IL10RB: variants seen among roughly 807,000 people sequenced by gnomAD.
IL10RB encodes interleukin 10 receptor subunit beta.
In IL10RB, 30 loss-of-function variants were observed where a neutral mutation model predicts 38.7. That is an observed-to-expected ratio of 0.78 (90% CI 0.58 to 1.05). The LOEUF (loss-of-function observed/expected upper bound fraction) is 1.05. IL10RB is among the 50% of genes least tolerant of loss of function. The pLI is 0.00. For synonymous variants in IL10RB, 142 were observed against 145.9 expected, an observed-to-expected ratio of 0.97 and a Z score of 0.19; for missense variants, 328 against 397.1, an observed-to-expected ratio of 0.83 and a Z score of 1.48.
At chr21:33,266,846 G>T (rs762028706) in intron 1 of IL10RB, among the ~76,000 whole-genome samples, 1 of 152,094 alleles carries the variant, frequency 6.6e-6, no homozygotes, top group Non-Finnish European at 1.5e-5. Flanking sequence ...AAAGACCCAA[G>T]ATCCCACCGT....
At chr21:33,297,293 A>G (rs2082971631), downstream of IL10RB, 1 of 152,162 alleles carries the variant, frequency 6.6e-6, no homozygotes, top group African/African-American at 2.4e-5. Context: ...CTTGATGTCC[A>G]CTCATTCCAC....
At chr21:33,285,268 A>G (rs984997913) in intron 5 of IL10RB, among the ~76,000 whole-genome samples, 5 of 152,218 alleles carry the variant, frequency 3.3e-5, no homozygotes, top group African/African-American at 4.8e-5. Flanking sequence ...CCCAAATGCT[A>G]GTAAATGAAA....
rs959114759 is a variant in IL10RB, at chr21:33,266,438, G to A, written c.-28G>A. 1.3e-6 allele frequency: 2 copies of A among 1,540,052 alleles called. No individual in the cohort carries two copies. The highest frequency in any genetic ancestry group is 2.3e-4 in the Middle Eastern group (1 of 4,404). On this transcript the variant is annotated 5_prime_UTR_variant, in exon 1 of 7. Transcript: ENST00000290200. ...GCGGGCGGGGGTCGTGTGCTTGGAGGAAGCCGCGGAACCCCCAGCGTCCGT... is the reference window on the plus strand; with the variant it reads ...GCGGGCGGGGGTCGTGTGCTTGGAGAAAGCCGCGGAACCCCCAGCGTCCGT...
At chr21:33,297,726 T>C (rs1215089396), downstream of IL10RB, among the ~76,000 whole-genome samples, 2 of 151,842 alleles carry the variant, frequency 1.3e-5, no homozygotes, top group Admixed American at 6.6e-5. Flanking sequence ...GGTGGGAGGA[T>C]AGCTTGAGCC....
intron 2 of IL10RB, among the ~76,000 whole-genome samples, chr21:33,268,990 T>C (rs769409496): frequency 1.3e-5 from 2 of 152,200 alleles, no homozygotes; most frequent in Non-Finnish European, 2.9e-5. Context: ...ATATATCACC[T>C]GTTCCCCTCC....
At chr21:33,269,909 C>T (rs554706096) in intron 2 of IL10RB, among the ~76,000 whole-genome samples, 4 of 152,308 alleles carry the variant, frequency 2.6e-5, no homozygotes, top group South Asian at 4.1e-4. Flanking sequence ...CCACCCACCT[C>T]GGCTTCCCGA....
Position 33,296,953 on chromosome 21 carries a change from CAAAA to C in IL10RB, c.*613_*616del, listed in dbSNP as rs5843596. The stretch of plus-strand genomic sequence containing the variant: ...TGGGTGACAAAGTGAGACTCCATCT[CAAAA>C]AAAAAAAAAAAAAAAATTGTGAGAA... On this transcript the variant is annotated 3_prime_UTR_variant, in exon 7 of 7. Transcript: ENST00000290200. 3.8e-4 allele frequency: 40 copies of C among 106,076 alleles called. No homozygotes were observed. Among genetic ancestry groups the C allele is most frequent in the Middle Eastern group, 4.5e-3 (1 of 220 alleles). The allele number at this position is 106,076 out of a possible 1,614,324, so 6.6% of individuals were successfully genotyped here.
chr21:33,309,184 TA>T (rs1327054538), exon 2 of IL10RB: 1 of 152,166 alleles, frequency 6.6e-6, no homozygotes, highest in Non-Finnish European at 1.5e-5. Context: ...CTGATGTACA[TA>T]GACATGTAAG....
At chr21:33,299,066 A>G (rs565441312), downstream of IL10RB, among the ~76,000 whole-genome samples, 2 of 152,188 alleles carry the variant, frequency 1.3e-5, no homozygotes, top group Non-Finnish European at 2.9e-5. Flanking sequence ...CTTCAAGCTC[A>G]TCTGTAAAAC....
intron 4 of IL10RB, among the ~76,000 whole-genome samples, chr21:33,282,700 C>T (rs1318173258): frequency 2.6e-5 from 4 of 152,066 alleles, no homozygotes; most frequent in Admixed American, 2.0e-4. Context: ...TCTCGTGCGC[C>T]ACCACGCCCG....
At chr21:33,302,761 G>A (rs1030653050) in intron 1 of IL10RB, among the ~76,000 whole-genome samples, 8 of 152,174 alleles carry the variant, frequency 5.3e-5, no homozygotes, top group Non-Finnish European at 1.2e-4. Context: ...TCGAGGGGGG[G>A]ATATTTCAGG....
intron 2 of IL10RB, among the ~76,000 whole-genome samples, chr21:33,269,219 G>A (rs1425039321): frequency 6.6e-6 from 1 of 152,216 alleles, no homozygotes; most frequent in Non-Finnish European, 1.5e-5. Context: ...TACCTCTCCT[G>A]CCTGTCAGTG....
exon 2 of IL10RB, chr21:33,309,543 G>C (rs192163133): frequency 6.6e-6 from 1 of 152,216 alleles, no homozygotes. Context: ...TACTAAACAA[G>C]ATATCAGTTA....
At chr21:33,303,955 G>T (rs1231192409) in intron 1 of IL10RB, among the ~76,000 whole-genome samples, 1 of 152,340 alleles carries the variant, frequency 6.6e-6, no homozygotes, top group East Asian at 1.9e-4. Context: ...GAAGAGAGGG[G>T]CTTGGGAGGA....
intron 2 of IL10RB, among the ~76,000 whole-genome samples, chr21:33,274,760 C>T (rs146876120): frequency 2.0e-5 from 3 of 152,292 alleles, no homozygotes; most frequent in African/African-American, 7.2e-5. Flanking sequence ...ATTTGTAGAG[C>T]ACAGGCAGAG....
rs1988946523 is a variant in IL10RB at position 33,266,532 on chromosome 21, A to AG, written c.49+23dup. On this transcript the variant is annotated intron_variant, in intron 1 of 6. Coordinates refer to ENST00000290200, the MANE Select transcript of IL10RB (RefSeq NM_000628.5). ...GGTGTCAGGTGAGGGGTCCGCGGGG[A>AG]GGGGGCGCGCTTGGGAACCGGGAGG... The AG allele has an allele frequency of 6.5e-7, 1 of 1,540,388 alleles. No homozygotes were observed. Among genetic ancestry groups the AG allele is most frequent in the Non-Finnish European group, 8.7e-7 (1 of 1,146,462 alleles).
intron 1 of IL10RB, chr21:33,268,128 C>T (rs914869736): frequency 2.5e-5 from 24 of 956,494 alleles, no homozygotes; most frequent in Non-Finnish European, 3.4e-5. Context: ...GCCCACCCTA[C>T]CCCCTCATAG....
chr21:33,285,138 A>T (rs1687433724), intron 5 of IL10RB, among the ~76,000 whole-genome samples: 1 of 151,966 alleles, frequency 6.6e-6, no homozygotes, highest in South Asian at 2.1e-4. Context: ...TGATCCACCC[A>T]CCTCAGCCTC....
chr21:33,306,112 A>G (rs2123615979), intron 1 of IL10RB, among the ~76,000 whole-genome samples: 1 of 152,266 alleles, frequency 6.6e-6, no homozygotes, highest in East Asian at 1.9e-4. Flanking sequence ...GAATACAAGC[A>G]TGAGCCACCA....
Sources: allele counts gnomAD v4.1 joint callset (sites outside exome capture counted in the v4.1 genomes callset), GRCh38; gene constraint gnomAD v4.1.1; transcripts MANE v1.5; gene names NCBI Gene and HGNC (gene_info 2026-07-23, HGNC 2026-07-21).